Variants in TYR observed in about 807,000 individuals in gnomAD.
TYR encodes the protein LB24-AB.
Under a neutral mutation model 51.5 loss-of-function variants are expected in TYR, and 58 were observed. The ratio of observed to expected loss-of-function variants is 1.13; its 90% CI spans 0.91 to 1.40. The LOEUF (loss-of-function observed/expected upper bound fraction) is 1.40. Among genes scored for constraint, TYR ranks in the 40% most tolerant of loss-of-function variants. TYR has a pLI of 0.00. For missense variants in TYR, 732 were observed against 647.4 expected (o/e 1.13, Z -1.42); for synonymous variants, 263 against 235.2 (o/e 1.12, Z -1.08).
At chr11:89,209,184 G>A (rs1943716347) in intron 2 of TYR, among the ~76,000 whole-genome samples, 1 of 152,206 alleles carries the variant, frequency 6.6e-6, no homozygotes, top group Non-Finnish European at 1.5e-5. Flanking sequence ...CCCTTTCCTA[G>A]CCCAAGGAAG....
chr11:89,205,658 G>A (rs1473201187), intron 2 of TYR, among the ~76,000 whole-genome samples: 2 of 151,912 alleles, frequency 1.3e-5, no homozygotes, highest in Non-Finnish European at 2.9e-5. Context: ...AGGAATGAAG[G>A]AGAACTCAAG....
chr11:89,216,065 C>T (rs532847040), intron 2 of TYR, among the ~76,000 whole-genome samples: 2 of 151,798 alleles, frequency 1.3e-5, no homozygotes, highest in Non-Finnish European at 1.5e-5. Flanking sequence ...TCTTTTTCAT[C>T]CTGCAGTAAA....
intron 3 of TYR, among the ~76,000 whole-genome samples, chr11:89,249,874 C>T (rs560973868): frequency 1.3e-5 from 2 of 152,028 alleles, no homozygotes; most frequent in East Asian, 3.9e-4. Flanking sequence ...ATCTAAAGCC[C>T]AATGGAGAGA....
intron 2 of TYR, among the ~76,000 whole-genome samples, chr11:89,195,507 C>T (rs1050348507): frequency 2.6e-4 from 39 of 152,036 alleles, no homozygotes; most frequent in African/African-American, 8.0e-4. Flanking sequence ...AGAGAAACCC[C>T]GTTTCTACTA....
At chr11:89,263,340 A>G (rs777567125) in intron 3 of TYR, among the ~76,000 whole-genome samples, 19 of 151,998 alleles carry the variant, frequency 1.3e-4, no homozygotes, top group Non-Finnish European at 2.2e-4. Context: ...GGAATAAAAA[A>G]AGAGCTTTCT....
chr11:89,179,356 G>A (rs1311490539), intron 1 of TYR, among the ~76,000 whole-genome samples: 1 of 152,110 alleles, frequency 6.6e-6, no homozygotes, highest in Non-Finnish European at 1.5e-5. Flanking sequence ...CTTCATTTTT[G>A]AAAGTATGAA....
Position 89,177,928 on chromosome 11 carries a change from C to A in TYR, c.-26C>A. The A allele has an allele frequency of 6.2e-7, 1 of 1,609,902 alleles. No homozygotes were observed. The highest frequency in any genetic ancestry group is 8.5e-7 in the Non-Finnish European group (1 of 1,176,944). ...TGTGACTCCAATTAGCCAGTTCCTG[C>A]AGACCTTGTGAGGACTAGAGGAAGA... On this transcript the variant is annotated 5_prime_UTR_variant, in exon 1 of 5. Transcript: ENST00000263321.
At chr11:89,180,386 A>G (rs2135243981) in intron 1 of TYR, among the ~76,000 whole-genome samples, 1 of 152,342 alleles carries the variant, frequency 6.6e-6, no homozygotes, top group South Asian at 2.1e-4. Context: ...CATCCACAGG[A>G]AATCTTAATA....
intron 2 of TYR, among the ~76,000 whole-genome samples, chr11:89,223,879 G>A (rs17191474): frequency 0.035 from 5,281 of 150,012 alleles, 135 homozygotes; most frequent in Middle Eastern, 0.062. Context: ...AATGTATTCC[G>A]ACAAATTCCT....
At chr11:89,258,529 T>C (rs1391107561) in intron 3 of TYR, among the ~76,000 whole-genome samples, 2 of 151,892 alleles carry the variant, frequency 1.3e-5, no homozygotes, top group African/African-American at 4.8e-5. Context: ...AGGTGTTAGA[T>C]TGGAAAAAAT....
At chr11:89,184,161 GA>G (rs1331771446) in intron 1 of TYR, among the ~76,000 whole-genome samples, 1 of 151,628 alleles carries the variant, frequency 6.6e-6, no homozygotes, top group Non-Finnish European at 1.5e-5. Flanking sequence ...ATTATTTCTG[GA>G]ACCAGGGTAG....
chr11:89,233,971 C>T (rs775571678), intron 3 of TYR, among the ~76,000 whole-genome samples: 1 of 143,202 alleles, frequency 7.0e-6, no homozygotes, highest in Non-Finnish European at 1.5e-5. Flanking sequence ...AAGCTTAATC[C>T]TTTATTATCC....
At chr11:89,257,859 C>T (rs1944412431) in intron 3 of TYR, among the ~76,000 whole-genome samples, 1 of 151,978 alleles carries the variant, frequency 6.6e-6, no homozygotes, top group African/African-American at 2.4e-5. Context: ...CTGTAGTCTT[C>T]CATTAAATTA....
intron 4 of TYR, among the ~76,000 whole-genome samples, chr11:89,294,638 T>G (rs1944886640): frequency 6.6e-6 from 1 of 152,220 alleles, no homozygotes; most frequent in Admixed American, 6.5e-5. Context: ...TTTCAAGATT[T>G]AAGACTGTGA....
chr11:89,249,470 C>CAAAA (rs1944306184), intron 3 of TYR, among the ~76,000 whole-genome samples: 1 of 63,392 alleles, frequency 1.6e-5, no homozygotes, highest in African/African-American at 8.4e-5. Context: ...AGCCATGTAG[C>CAAAA]CAAAAAAAAA....
intron 3 of TYR, among the ~76,000 whole-genome samples, chr11:89,237,939 G>A (rs1004631633): frequency 9.2e-5 from 14 of 151,914 alleles, no homozygotes; most frequent in African/African-American, 1.5e-4. Context: ...AGGTTCAAGC[G>A]AGTCTTGTGC....
intron 3 of TYR, among the ~76,000 whole-genome samples, chr11:89,241,976 G>A (rs1307244901): frequency 1.3e-5 from 2 of 151,756 alleles, no homozygotes; most frequent in South Asian, 2.1e-4. Flanking sequence ...ATGATACCAC[G>A]TTTTGAACCC....
intron 3 of TYR, among the ~76,000 whole-genome samples, chr11:89,243,208 G>A (rs1944222819): frequency 1.3e-5 from 2 of 152,164 alleles, no homozygotes; most frequent in Admixed American, 1.3e-4. Flanking sequence ...AAATGTTACA[G>A]GGTAGTATTA....
chr11:89,191,088 G>A, intron 1 of TYR, 114 bp from the exon 2 acceptor site: 2 of 898,596 alleles, frequency 2.2e-6, no homozygotes. Context: ...CATGATTGTA[G>A]TAATCTCCTC....
Sources: allele counts gnomAD v4.1 joint callset (sites outside exome capture counted in the v4.1 genomes callset), GRCh38; gene constraint gnomAD v4.1.1; transcripts MANE v1.5; gene names NCBI Gene and HGNC (gene_info 2026-07-23, HGNC 2026-07-21).